Variants in CDH13 observed in about 807,000 individuals in gnomAD.
The protein encoded by CDH13 is cadherin-13.
CDH13 carries 24 observed loss-of-function variants against 63.8 expected under a neutral mutation model. The ratio of observed to expected loss-of-function variants is 0.38; its 90% CI spans 0.27 to 0.53. The LOEUF (loss-of-function observed/expected upper bound fraction) is 0.53. Among genes scored for constraint, CDH13 ranks in the 20% least tolerant of loss-of-function variants. The pLI is 0.85. For synonymous variants in CDH13, 503 were observed against 355.3 expected (o/e 1.42, Z -4.67); for missense variants, 1,049 against 903.1 (o/e 1.16, Z -2.07).
At chr16:83,367,413 G>T (rs1199834901) in intron 6 of CDH13, among the ~76,000 whole-genome samples, 2 of 152,156 alleles carry the variant, frequency 1.3e-5, no homozygotes, top group East Asian at 3.9e-4. Flanking sequence ...ACATCGGGTT[G>T]TTACTACTTT....
At chr16:83,647,453 C>G (rs147952481) in intron 8 of CDH13, among the ~76,000 whole-genome samples, 1 of 152,106 alleles carries the variant, frequency 6.6e-6, no homozygotes, top group Non-Finnish European at 1.5e-5. Context: ...GCTTGTGCTT[C>G]CATAGCAATG....
intron 1 of CDH13, chr16:82,639,507 C>G (rs1350915603): frequency 4.9e-5 from 65 of 1,338,648 alleles, no homozygotes; most frequent in Non-Finnish European, 6.4e-5. Context: ...GGATGGAATT[C>G]TTCCCTAGGG....
chr16:83,583,340 G>A (rs938844902), intron 7 of CDH13, among the ~76,000 whole-genome samples: 6 of 146,544 alleles, frequency 4.1e-5, no homozygotes, highest in Non-Finnish European at 6.1e-5. Flanking sequence ...TATTTTGGGC[G>A]ACCACCATTC....
chr16:83,229,913 C>T (rs190158097), intron 5 of CDH13, among the ~76,000 whole-genome samples: 14 of 152,230 alleles, frequency 9.2e-5, no homozygotes, highest in African/African-American at 3.1e-4. Context: ...AGAGTCGCAT[C>T]CTCGTTAAAT....
chr16:82,812,907 G>A (rs936760188), intron 1 of CDH13, among the ~76,000 whole-genome samples: 1 of 151,910 alleles, frequency 6.6e-6, no homozygotes, highest in African/African-American at 2.4e-5. Context: ...AGACAGAGAG[G>A]GTAGGAGAGA....
intron 5 of CDH13, among the ~76,000 whole-genome samples, chr16:83,231,862 G>C (rs919583760): frequency 6.6e-6 from 1 of 152,174 alleles, no homozygotes; most frequent in African/African-American, 2.4e-5. Flanking sequence ...GAATCATGGG[G>C]GTGGACCCCT....
intron 2 of CDH13, among the ~76,000 whole-genome samples, chr16:82,952,059 C>G (rs1330760322): frequency 6.6e-6 from 1 of 152,220 alleles, no homozygotes; most frequent in Admixed American, 6.5e-5. Flanking sequence ...TGTGCAATTA[C>G]TGCACATTTT....
chr16:83,738,554 G>C (rs1215609432), intron 10 of CDH13, among the ~76,000 whole-genome samples: 1 of 152,192 alleles, frequency 6.6e-6, no homozygotes, highest in African/African-American at 2.4e-5. Flanking sequence ...GTGCCTACAA[G>C]AGCATGTTTT....
chr16:83,584,957 A>G (rs1205965001), intron 7 of CDH13, among the ~76,000 whole-genome samples: 2 of 152,128 alleles, frequency 1.3e-5, no homozygotes, highest in African/African-American at 4.8e-5. Context: ...CTCACTCACT[A>G]CTGTGGGGGT....
At chr16:82,756,632 A>G (rs1306707392) in intron 1 of CDH13, among the ~76,000 whole-genome samples, 1 of 152,160 alleles carries the variant, frequency 6.6e-6, no homozygotes, top group Non-Finnish European at 1.5e-5. Context: ...GCAGGGAGTA[A>G]CAGGTCAGTG....
intron 4 of CDH13, among the ~76,000 whole-genome samples, chr16:83,214,436 C>G (rs1007400682): frequency 4.0e-5 from 6 of 151,570 alleles, no homozygotes; most frequent in Admixed American, 3.3e-4. Context: ...AAAAATTAGC[C>G]AGGCATGGTG....
At chr16:82,843,143 A>G (rs1386826266) in intron 1 of CDH13, among the ~76,000 whole-genome samples, 1 of 152,224 alleles carries the variant, frequency 6.6e-6, no homozygotes, top group Non-Finnish European at 1.5e-5. Flanking sequence ...TTGTGTTTTC[A>G]AAGAAGGTAT....
intron 1 of CDH13, among the ~76,000 whole-genome samples, chr16:82,798,711 G>A (rs1298936251): frequency 1.3e-5 from 2 of 152,104 alleles, no homozygotes; most frequent in Middle Eastern, 3.2e-3. Flanking sequence ...TTGGGTTTGG[G>A]GAGCTGAGTG....
At chr16:83,433,949 G>A (rs1011578898) in intron 6 of CDH13, among the ~76,000 whole-genome samples, 46 of 152,170 alleles carry the variant, frequency 3.0e-4, no homozygotes, top group African/African-American at 9.9e-4. Flanking sequence ...CGTTGGGGGG[G>A]AATCAATCTT....
chr16:83,189,973 G>A (rs140817140), intron 4 of CDH13, among the ~76,000 whole-genome samples: 1,865 of 152,248 alleles, frequency 0.012, 11 homozygotes, highest in Middle Eastern at 0.02. Context: ...CATGTAAGAC[G>A]TGACTTTGCT....
At chr16:82,995,694 A>G (rs894288104) in intron 2 of CDH13, among the ~76,000 whole-genome samples, 5 of 152,170 alleles carry the variant, frequency 3.3e-5, no homozygotes, top group Non-Finnish European at 7.3e-5. Flanking sequence ...TTCAAAATAG[A>G]TGTGATACTT....
chr16:82,864,640 T>C (rs2040059337), intron 2 of CDH13, among the ~76,000 whole-genome samples: 1 of 152,056 alleles, frequency 6.6e-6, no homozygotes, highest in South Asian at 2.1e-4. Flanking sequence ...CCTTGAAACG[T>C]GAGGATTATG....
At chr16:83,467,535 C>T (rs1266552763) in intron 6 of CDH13, among the ~76,000 whole-genome samples, 4 of 152,118 alleles carry the variant, frequency 2.6e-5, no homozygotes, top group African/African-American at 9.7e-5. Context: ...TTTAGCTGAC[C>T]CCAAGAACAG....
chr16:82,763,497 G>T (rs569217059), intron 1 of CDH13, among the ~76,000 whole-genome samples: 1 of 152,168 alleles, frequency 6.6e-6, no homozygotes, highest in East Asian at 1.9e-4. Flanking sequence ...AAAATGAAAA[G>T]GTTCACATGG....
Sources: allele counts gnomAD v4.1 joint callset (sites outside exome capture counted in the v4.1 genomes callset), GRCh38; gene constraint gnomAD v4.1.1; transcripts MANE v1.5; gene names NCBI Gene and HGNC (gene_info 2026-07-23, HGNC 2026-07-21).